Variants in FBXO16 observed in about 807,000 individuals in gnomAD.
FBXO16 encodes F-box only protein 16.
A neutral mutation model predicts 41.0 loss-of-function variants in FBXO16; 31 were observed. That is an observed-to-expected ratio of 0.76 (90% CI 0.57 to 1.02). The LOEUF is 1.02. FBXO16 is among the 50% of genes least tolerant of loss of function. FBXO16 has a pLI of 0.00. For missense variants in FBXO16, 361 were observed against 346.2 expected (o/e 1.04, Z -0.34); for synonymous variants, 133 against 117.8 (o/e 1.13, Z -0.84).
chr8:28,452,172 T>A, intron 6 of FBXO16, 72 bp downstream of exon 6: 1 of 1,400,520 alleles, frequency 7.1e-7, no homozygotes, highest in Non-Finnish European at 9.8e-7. Flanking sequence ...TATTTCCATC[T>A]CTTCGTATAC....
chr8:28,487,715 C>T (rs1196055595), intron 1 of FBXO16, among the ~76,000 whole-genome samples: 2 of 151,826 alleles, frequency 1.3e-5, no homozygotes, highest in Non-Finnish European at 2.9e-5. Context: ...TCATATAACA[C>T]ATACAAAACA....
At chr8:28,489,026 G>GA (rs1213973329) in intron 1 of FBXO16, among the ~76,000 whole-genome samples, 1 of 151,788 alleles carries the variant, frequency 6.6e-6, no homozygotes, top group Non-Finnish European at 1.5e-5. Flanking sequence ...TAAATCAATA[G>GA]AAAAAATGAC....
chr8:28,489,745 A>C (rs1331504468), intron 1 of FBXO16, among the ~76,000 whole-genome samples: 1 of 151,844 alleles, frequency 6.6e-6, no homozygotes, highest in Non-Finnish European at 1.5e-5. Context: ...GTAGAATTGT[A>C]GAAATGTAGA....
intron 3 of FBXO16, among the ~76,000 whole-genome samples, chr8:28,469,432 A>G (rs1803296543): frequency 6.6e-6 from 1 of 152,206 alleles, no homozygotes; most frequent in African/African-American, 2.4e-5. Context: ...CGTGGGCTCA[A>G]GTAATTCTCC....
chr8:28,456,862 G>A lies in FBXO16; in HGVS notation c.411C>T (p.Asn137=), dbSNP rs765637962. Residue 137 remains asparagine, a synonymous_variant, in exon 5 of 9, where the codon AAC becomes AAT. Coordinates refer to ENST00000380254, the MANE Select transcript of FBXO16 (RefSeq NM_172366.4). ...QLWMLKCLRF[N]WYINFSPTPF... ...GAGTTGGAGAGAAATTGATGTACCA[G>A]TTAAACCGTAAACATTTCAGCATCC... 1.2e-6 allele frequency: 2 copies of A among 1,614,150 alleles called. No homozygotes were observed. The highest frequency in any genetic ancestry group is 1.7e-6 in the Non-Finnish European group (2 of 1,180,014).
At chr8:28,437,754 T>C (rs1802707713) in intron 7 of FBXO16, among the ~76,000 whole-genome samples, 1 of 151,920 alleles carries the variant, frequency 6.6e-6, no homozygotes, top group African/African-American at 2.4e-5. Flanking sequence ...GCATCTGTAG[T>C]CCTAGCTACT....
chr8:28,440,183 C>T (rs969452844), intron 7 of FBXO16, among the ~76,000 whole-genome samples: 2 of 151,924 alleles, frequency 1.3e-5, no homozygotes, highest in African/African-American at 4.8e-5. Context: ...GCTCACTGCC[C>T]CCTTAACCTC....
At chr8:28,450,870 C>G (rs62502419) in intron 6 of FBXO16, among the ~76,000 whole-genome samples, 2 of 151,916 alleles carry the variant, frequency 1.3e-5, no homozygotes, top group African/African-American at 4.8e-5. Context: ...TGAGTCTGAT[C>G]GCTTGAGTCT....
At chr8:28,443,984 CTCGGGGCT>C (rs1802821032) in intron 7 of FBXO16, among the ~76,000 whole-genome samples, 2 of 152,308 alleles carry the variant, frequency 1.3e-5, no homozygotes, top group Non-Finnish European at 2.9e-5. Flanking sequence ...ACCAGCAGCC[CTCGGGGCT>C]GCTCTGTCTA....
chr8:28,477,095 C>G (rs1359646746), intron 2 of FBXO16, among the ~76,000 whole-genome samples: 1 of 138,854 alleles, frequency 7.2e-6, no homozygotes, highest in Admixed American at 7.4e-5. Context: ...TATGCCTATC[C>G]TGATGACGCA....
chr8:28,430,742 C>T (rs1413044462), intron 7 of FBXO16, among the ~76,000 whole-genome samples: 4 of 152,098 alleles, frequency 2.6e-5, no homozygotes, highest in African/African-American at 9.7e-5. Context: ...GAGGCCAAGG[C>T]GGGCGGATCA....
chr8:28,435,671 C>G (rs1015882993), intron 7 of FBXO16, among the ~76,000 whole-genome samples: 7 of 152,036 alleles, frequency 4.6e-5, no homozygotes, highest in Admixed American at 1.3e-4. Flanking sequence ...AGCAAAGACA[C>G]CATTCAAAGG....
At chr8:28,459,632 T>TAA (rs1293827957) in intron 4 of FBXO16, among the ~76,000 whole-genome samples, 1 of 131,396 alleles carries the variant, frequency 7.6e-6, no homozygotes, top group African/African-American at 2.9e-5. Context: ...AAAATAATAA[T>TAA]AATAATAATA....
intron 7 of FBXO16, among the ~76,000 whole-genome samples, chr8:28,430,133 C>T (rs747610136): frequency 2.0e-5 from 3 of 152,208 alleles, no homozygotes; most frequent in Non-Finnish European, 4.4e-5. Flanking sequence ...AGTGCAGTGG[C>T]ATAATCACAG....
At chr8:28,429,296 T>G in intron 8 of FBXO16, 82 bp downstream of exon 8, 11 of 1,496,540 alleles carry the variant, frequency 7.4e-6, no homozygotes, top group Non-Finnish European at 1.0e-5. Flanking sequence ...TCCCATAATT[T>G]ACACTCTCCA....
intron 7 of FBXO16, among the ~76,000 whole-genome samples, chr8:28,437,547 A>G (rs56290800): frequency 0.12 from 18,423 of 152,254 alleles, 1,554 homozygotes; most frequent in South Asian, 0.33. Flanking sequence ...TTCAACACAC[A>G]TGCATTCTTC....
intron 2 of FBXO16, among the ~76,000 whole-genome samples, chr8:28,479,566 C>T (rs1453788192): frequency 6.6e-6 from 1 of 152,122 alleles, no homozygotes; most frequent in Admixed American, 6.5e-5. Flanking sequence ...TGTGTAAAAC[C>T]TTCACAATTC....
At chr8:28,433,355 G>A (rs912298714) in intron 7 of FBXO16, among the ~76,000 whole-genome samples, 8 of 152,184 alleles carry the variant, frequency 5.3e-5, no homozygotes, top group Middle Eastern at 6.3e-3. Flanking sequence ...GCCAATCAGC[G>A]CCTGAATCTT....
chr8:28,453,618 T>C (rs889242704), intron 5 of FBXO16, among the ~76,000 whole-genome samples: 2 of 151,948 alleles, frequency 1.3e-5, no homozygotes, highest in African/African-American at 4.9e-5. Flanking sequence ...GAAGCTTTGC[T>C]TGGTAAATCA....
Sources: gnomAD v4.1 joint callset for allele counts (sites outside exome capture counted in the v4.1 genomes callset) on GRCh38, gnomAD v4.1.1 for gene constraint, MANE v1.5 for transcripts, NCBI Gene and HGNC (gene_info 2026-07-23, HGNC 2026-07-21) for gene names.